Variants in UBN1 observed in about 807,000 individuals in gnomAD.
The protein encoded by UBN1 is ubinuclein-1.
A neutral mutation model predicts 108.5 loss-of-function variants in UBN1; 17 were observed. That is an observed-to-expected ratio of 0.16 (90% CI 0.11 to 0.24). The LOEUF is 0.24. UBN1 is among the 10% of genes least tolerant of loss of function. The pLI, the probability that UBN1 is intolerant of heterozygous loss-of-function variation, is 1.00. For synonymous variants in UBN1, 726 were observed against 564.2 expected (o/e 1.29, Z -4.07); for missense variants, 1,595 against 1,394.4 (o/e 1.14, Z -2.29).
At position 4,852,974 on chromosome 16, in the gene UBN1, G is replaced by C. The variant is rs747777555; in HGVS notation, c.57G>C (p.Ala19=). The C allele has an allele frequency of 9.9e-6, 16 of 1,614,172 alleles. No individual in the cohort carries two copies. Among genetic ancestry groups the C allele is most frequent in the Admixed American group, 1.7e-5 (1 of 60,022 alleles). The stretch of plus-strand genomic sequence containing the variant: ...CTCTCCCAGGTTCCCTGAATCCTGC[G>C]TTTTTGAAGAAGTCCCGGAAGGAGG... ...FTSLPGSLNP[A]FLKKSRKEEA... The change falls in exon 2 of 18, where the codon GCG becomes GCC. Residue 19 remains alanine, a synonymous_variant. Transcript: ENST00000262376.
At chr16:4,854,916 G>C (rs1024523209) in intron 2 of UBN1, among the ~76,000 whole-genome samples, 2 of 151,840 alleles carry the variant, frequency 1.3e-5, no homozygotes, top group Non-Finnish European at 2.9e-5. Context: ...TAGAGACAGG[G>C]TTCCACCGTG....
chr16:4,854,116 C>T (rs1444689831), intron 2 of UBN1, among the ~76,000 whole-genome samples: 4 of 151,002 alleles, frequency 2.6e-5, no homozygotes, highest in East Asian at 2.0e-4. Flanking sequence ...TCAGTGCAAC[C>T]TCTGCCTCCC....
At chr16:4,873,141 T>C in intron 14 of UBN1, 68 bp downstream of exon 14, 1 of 1,599,066 alleles carries the variant, frequency 6.3e-7, no homozygotes, top group Non-Finnish European at 8.6e-7. Flanking sequence ...CTGGAAACAG[T>C]CAAGTGACTG....
At chr16:4,857,366 A>T (rs2086865353) in intron 2 of UBN1, among the ~76,000 whole-genome samples, 1 of 151,696 alleles carries the variant, frequency 6.6e-6, no homozygotes, top group Admixed American at 6.6e-5. Context: ...AAAAAAAAAA[A>T]AAATTTTTTT....
At position 4,874,573 on chromosome 16, in the gene UBN1, T is replaced by A; in HGVS notation, c.2163T>A (p.Pro721=). ...AAGAAAAAAGGAACTTTGCGAAGCC[T>A]AGTCCTTCTGCTCCACCACCAGCTA... ...CTEEKRNFAK[P]SPSAPPPASS... The change falls in exon 15 of 18, where the codon CCT becomes CCA. Residue 721 remains proline (P), a synonymous_variant. Coordinates refer to ENST00000262376, the MANE Select transcript of UBN1 (RefSeq NM_001079514.3). The A allele has an allele frequency of 6.2e-7, 1 of 1,614,216 alleles. No homozygotes were observed. Among genetic ancestry groups the A allele is most frequent in the Non-Finnish European group, 8.5e-7 (1 of 1,180,042 alleles).
intron 15 of UBN1, 151 bp downstream of exon 15, chr16:4,875,585 C>A: frequency 8.2e-7 from 1 of 1,218,080 alleles, no homozygotes; most frequent in African/African-American, 1.5e-5. Flanking sequence ...ACTGGGCTCC[C>A]TGTTCTCAGG....
intron 7 of UBN1, among the ~76,000 whole-genome samples, chr16:4,866,373 A>C (rs1157263051): frequency 1.3e-5 from 2 of 152,130 alleles, no homozygotes; most frequent in African/African-American, 4.8e-5. Flanking sequence ...GTTTGGTGTT[A>C]AGCTTTTCTT....
chr16:4,880,409 G>A lies in UBN1; in HGVS notation c.*277G>A. The A allele has an allele frequency of 2.4e-6, 1 of 413,324 alleles. No individual in the cohort carries two copies. The highest frequency in any genetic ancestry group is 3.3e-5 in the South Asian group (1 of 30,176). The allele number at this position is 413,324 out of a possible 1,614,324, so 25.6% of individuals were successfully genotyped here. A position where few individuals can be genotyped will look rare whatever the true frequency, so the allele number is the denominator to read the frequency against. The stretch of plus-strand genomic sequence containing the variant: ...GCAGCTCTAGGCTGGGGCTTGCGCT[G>A]GGCCGTGGTGGGAGGCACAGTGTTT... On this transcript the variant is annotated 3_prime_UTR_variant, in exon 18 of 18. Transcript: ENST00000262376.
At chr16:4,872,253 C>T (rs1179406925) in intron 12 of UBN1, 19 of 985,214 alleles carry the variant, frequency 1.9e-5, no homozygotes, top group Non-Finnish European at 2.3e-5. Context: ...GGTCACTCCA[C>T]ATTTTATTCC....
At chr16:4,857,947 G>A in intron 2 of UBN1, 43 bp from the exon 3 acceptor site, 1 of 1,414,946 alleles carries the variant, frequency 7.1e-7, no homozygotes, top group South Asian at 1.2e-5. Flanking sequence ...AAGAACATGG[G>A]AATATTTTCT....
At chr16:4,875,878 A>G (rs991800412) in intron 15 of UBN1, among the ~76,000 whole-genome samples, 1 of 152,212 alleles carries the variant, frequency 6.6e-6, no homozygotes, top group African/African-American at 2.4e-5. Flanking sequence ...TTTGAAGGAC[A>G]GAGTCCAATA....
intron 8 of UBN1, among the ~76,000 whole-genome samples, chr16:4,869,192 C>T (rs2087484148): frequency 6.6e-6 from 1 of 152,126 alleles, no homozygotes; most frequent in Non-Finnish European, 1.5e-5. Flanking sequence ...GATTTCTTGG[C>T]AGGTATGAGA....
At chr16:4,860,097 C>T (rs749270069) in intron 6 of UBN1, 129 bp downstream of exon 6, 44 of 1,168,680 alleles carry the variant, frequency 3.8e-5, no homozygotes, top group Non-Finnish European at 4.7e-5. Flanking sequence ...TCCTCCCGCA[C>T]GCCTCCCGCA....
chr16:4,849,481 T>A (rs1005038505), intron 1 of UBN1, among the ~76,000 whole-genome samples: 3 of 151,984 alleles, frequency 2.0e-5, no homozygotes, highest in Non-Finnish European at 4.4e-5. Context: ...AGGAGATATA[T>A]ATATATATAG....
In UBN1 at chr16:4,877,218, G is replaced by A. The variant is rs148153137; in HGVS notation, c.3265+107G>A. On this transcript the variant is annotated intron_variant, in intron 16 of 17. Coordinates refer to ENST00000262376, the MANE Select transcript of UBN1 (RefSeq NM_001079514.3). The surrounding 1 kb of genome is among the most constrained non-coding windows in gnomAD (Gnocchi z 4.3). Reference sequence around the variant, plus strand: ...CTGTGTTTGAGTCTGGTGTGTGACTGTGGGGAACATCTCCGGGAACTGTGC... The same window carrying A: ...CTGTGTTTGAGTCTGGTGTGTGACTATGGGGAACATCTCCGGGAACTGTGC... 389 of 1,517,130 alleles carry A rather than the reference G, an allele frequency of 2.6e-4. No homozygotes were observed. The African/African-American group carries it at 4.4e-3, about 17-fold the overall frequency. 94.0% of individuals were successfully genotyped at this position (1,517,130 alleles called of 1,614,324 possible).
At chr16:4,849,475 G>GAT (rs140151187) in intron 1 of UBN1, among the ~76,000 whole-genome samples, 3,050 of 150,792 alleles carry the variant, frequency 0.02, 82 homozygotes, top group African/African-American at 0.065. Context: ...TTTAGAAGGA[G>GAT]ATATATATAT....
At chr16:4,868,966 C>A in intron 8 of UBN1, 63 bp downstream of exon 8, 2 of 1,572,940 alleles carry the variant, frequency 1.3e-6, no homozygotes, top group East Asian at 2.2e-5. Context: ...TTGGGGCAAG[C>A]CAGCTAGGGG....
chr16:4,861,225 T>G, intron 7 of UBN1, 123 bp downstream of exon 7: 1 of 1,135,514 alleles, frequency 8.8e-7, no homozygotes, highest in South Asian at 1.6e-5. Flanking sequence ...GGTGTCAGCT[T>G]TTTCCAAACC....
intron 1 of UBN1, among the ~76,000 whole-genome samples, chr16:4,850,366 A>G (rs1333694114): frequency 1.3e-5 from 2 of 152,190 alleles, no homozygotes; most frequent in Non-Finnish European, 2.9e-5. Flanking sequence ...TTATGTGTTT[A>G]CTGCCTGGAC....
Sources: gnomAD v4.1 joint callset for allele counts (sites outside exome capture counted in the v4.1 genomes callset) on GRCh38, gnomAD v4.1.1 for gene constraint, Gnocchi (gnomAD v3.1) non-coding constraint, MANE v1.5 for transcripts, NCBI Gene and HGNC (gene_info 2026-07-23, HGNC 2026-07-21) for gene names.